MCF2L2: variants seen among roughly 807,000 people sequenced by gnomAD.
MCF2L2 encodes the protein probable guanine nucleotide exchange factor MCF2L2.
A neutral mutation model predicts 150.2 loss-of-function variants in MCF2L2; 102 were observed. That is an observed-to-expected ratio of 0.68 (90% CI 0.58 to 0.80). The LOEUF (loss-of-function observed/expected upper bound fraction) is 0.80, where lower values mean the gene tolerates loss of function less well. MCF2L2 is among the 30% of genes least tolerant of loss of function. The probability of loss-of-function intolerance (pLI) is 0.00; values close to 1 mark genes in which losing one functional copy is unlikely to be tolerated. For synonymous variants in MCF2L2, 465 were observed against 491.3 expected (o/e 0.95, Z 0.71); for missense variants, 1,256 against 1,372.8 (o/e 0.91, Z 1.34).
chr3:183,264,286 C>T (rs958597286), intron 15 of MCF2L2, among the ~76,000 whole-genome samples: 3 of 152,312 alleles, frequency 2.0e-5, no homozygotes, highest in African/African-American at 2.4e-5. Flanking sequence ...AAATCCTAGT[C>T]GTCCTCAGGC....
At chr3:183,316,965 C>T (rs1244710400) in intron 7 of MCF2L2, among the ~76,000 whole-genome samples, 4 of 152,150 alleles carry the variant, frequency 2.6e-5, no homozygotes, top group Admixed American at 1.3e-4. Flanking sequence ...CTCGGCCTCC[C>T]AAAGTGCTGG....
At position 183,309,743 on chromosome 3, in the gene MCF2L2, T is replaced by C. The variant is rs780120820; in HGVS notation, c.1086A>G (p.Glu362=). ...SVMHVEQILK[E]HKKLEEKSQE... ...GGCTTTTTTCCTCCAGTTTTTTGTG[T>C]TCCTTAAGAATCTGCTCCACGTGCA... Residue 362 remains glutamate, a synonymous_variant, in exon 10 of 30, where the codon GAA becomes GAG. Transcript: ENST00000328913. The C allele has an allele frequency of 1.2e-6, 2 of 1,613,992 alleles. No homozygotes were observed. The highest frequency in any genetic ancestry group is 1.7e-6 in the Non-Finnish European group (2 of 1,180,016).
chr3:183,323,419 ATTC>A (rs1455893970), intron 5 of MCF2L2, 68 bp from the exon 6 acceptor site: 8 of 684,062 alleles, frequency 1.2e-5, no homozygotes, highest in South Asian at 2.2e-5. Flanking sequence ...TTTACATTCT[ATTC>A]TTATCATAAT....
intron 5 of MCF2L2, among the ~76,000 whole-genome samples, chr3:183,330,579 T>C (rs1447726266): frequency 6.6e-6 from 1 of 152,088 alleles, no homozygotes. Context: ...TTTATTGTGG[T>C]GACTGGATAA....
chr3:183,346,028 C>A (rs977063830), intron 3 of MCF2L2, among the ~76,000 whole-genome samples: 1 of 152,168 alleles, frequency 6.6e-6, no homozygotes, highest in Non-Finnish European at 1.5e-5. Flanking sequence ...TGAAACTATT[C>A]CAAACAATAG....
intron 5 of MCF2L2, among the ~76,000 whole-genome samples, chr3:183,326,492 CAAAAAAAAA>C (rs890481068): frequency 1.0e-4 from 4 of 39,434 alleles, no homozygotes; most frequent in Admixed American, 3.7e-4. Context: ...AACTCCGTCT[CAAAAAAAAA>C]AAAAAAAAAA....
At chr3:183,368,408 T>C (rs1349087161) in intron 3 of MCF2L2, among the ~76,000 whole-genome samples, 2 of 152,208 alleles carry the variant, frequency 1.3e-5, no homozygotes, top group African/African-American at 4.8e-5. Flanking sequence ...GTATTGTCTA[T>C]GGTTGCTTTT....
At chr3:183,330,274 AAAAGGAAAGGAAAAGGAAAAGG>A (rs1431407419) in intron 5 of MCF2L2, among the ~76,000 whole-genome samples, 3 of 151,350 alleles carry the variant, frequency 2.0e-5, no homozygotes, top group Non-Finnish European at 4.4e-5. Context: ...GAAGAAGAAA[AAAAGGAAAGGAAAAGGAAAAGG>A]AAAGGAAAGG....
intron 27 of MCF2L2, among the ~76,000 whole-genome samples, chr3:183,186,732 GT>G (rs1721708148): frequency 6.6e-6 from 1 of 151,846 alleles, no homozygotes; most frequent in Admixed American, 6.6e-5. Flanking sequence ...CGTCTCAAAA[GT>G]TTTTGTGGAG....
At chr3:183,299,516 G>A (rs1459460101) in intron 11 of MCF2L2, 1 of 154,208 alleles carries the variant, frequency 6.5e-6, no homozygotes, top group Admixed American at 6.5e-5. Context: ...GTTGTCTTGA[G>A]GATTATAAAT....
intron 25 of MCF2L2, among the ~76,000 whole-genome samples, chr3:183,201,661 G>A (rs1258592064): frequency 1.3e-5 from 2 of 152,268 alleles, no homozygotes; most frequent in African/African-American, 2.4e-5. Flanking sequence ...CCAACACTAT[G>A]TTGAGTAGGA....
intron 1 of MCF2L2, among the ~76,000 whole-genome samples, chr3:183,401,756 A>G (rs1325131581): frequency 6.6e-6 from 1 of 152,234 alleles, no homozygotes; most frequent in Non-Finnish European, 1.5e-5. Context: ...CACAGTAGGT[A>G]TCAGTAGTTC....
chr3:183,378,512 G>A (rs1713324461), intron 3 of MCF2L2: 1 of 152,208 alleles, frequency 6.6e-6, no homozygotes, highest in African/African-American at 2.4e-5. Context: ...TCTATCATGG[G>A]CTCAGCTACA....
chr3:183,313,446 T>C (rs1371912451), intron 7 of MCF2L2, among the ~76,000 whole-genome samples: 1 of 152,222 alleles, frequency 6.6e-6, no homozygotes, highest in Non-Finnish European at 1.5e-5. Flanking sequence ...TGTCACACAC[T>C]ATATATCCCC....
At chr3:183,265,606 G>T (rs1290865645) in intron 15 of MCF2L2, 1 of 152,266 alleles carries the variant, frequency 6.6e-6, no homozygotes, top group Non-Finnish European at 1.5e-5. Context: ...GGCGCAGGCC[G>T]GGGGAGGGCA....
chr3:183,364,410 C>T (rs1229105085), intron 3 of MCF2L2, among the ~76,000 whole-genome samples: 1 of 152,046 alleles, frequency 6.6e-6, no homozygotes, highest in Non-Finnish European at 1.5e-5. Context: ...GTCCCAGCTA[C>T]TCAGGAGGCT....
chr3:183,179,173 A>G lies in MCF2L2; in HGVS notation c.*207T>C. The G allele has an allele frequency of 1.7e-6, 1 of 589,236 alleles. No individual in the cohort carries two copies. Among genetic ancestry groups the G allele is most frequent in the South Asian group, 4.5e-5 (1 of 21,990 alleles). The allele number at this position is 589,236 out of a possible 1,614,324, so 36.5% of individuals were successfully genotyped here. On this transcript the variant is annotated 3_prime_UTR_variant, in exon 30 of 30. Transcript: ENST00000328913. This position sits in a 1 kb window ranked among gnomAD's most constrained non-coding sequence, Gnocchi z 4.2. ...CTGCTCGCCTCTGCAGGCGCCTTAG[A>G]GCAGCTCCGAGGTCCCCCGTGCGGA...
chr3:183,262,334 C>G (rs1214810449), intron 15 of MCF2L2, among the ~76,000 whole-genome samples: 3 of 151,894 alleles, frequency 2.0e-5, no homozygotes, highest in African/African-American at 7.3e-5. Flanking sequence ...CCCAGCAGGC[C>G]CCAGTCAGCA....
At chr3:183,373,889 C>T (rs189907102) in intron 3 of MCF2L2, 4 of 152,230 alleles carry the variant, frequency 2.6e-5, no homozygotes, top group African/African-American at 9.6e-5. Flanking sequence ...ACACACCAGA[C>T]TTAGAGTAAT....
Sources: gnomAD v4.1 joint callset for allele counts (sites outside exome capture counted in the v4.1 genomes callset) on GRCh38, gnomAD v4.1.1 for gene constraint, Gnocchi (gnomAD v3.1) non-coding constraint, MANE v1.5 for transcripts, NCBI Gene and HGNC (gene_info 2026-07-23, HGNC 2026-07-21) for gene names.